The following UCHL3 variants were observed in gnomAD, a reference collection of about 807,000 sequenced individuals.
UCHL3 encodes ubiquitin C-terminal hydrolase L3.
A neutral mutation model predicts 35.8 loss-of-function variants in UCHL3; 22 were observed. The ratio of observed to expected loss-of-function variants is 0.61; its 90% CI spans 0.44 to 0.88. The LOEUF is 0.88. Among genes scored for constraint, UCHL3 ranks in the 40% least tolerant of loss-of-function variants. UCHL3 has a pLI of 0.00. For synonymous variants in UCHL3, 90 were observed against 92.8 expected, an observed-to-expected ratio of 0.97 and a Z score of 0.17; for missense variants, 229 against 276.9, an observed-to-expected ratio of 0.83 and a Z score of 1.23.
chr13:75,569,538 C>G (rs374605781), intron 6 of UCHL3, 31 bp downstream of exon 6: 15 of 1,585,226 alleles, frequency 9.5e-6, no homozygotes, highest in African/African-American at 2.7e-5. Flanking sequence ...ATTTTTCTTG[C>G]TATAAATTTA....
rs754453843 is a variant in UCHL3 at position 75,566,785 on chromosome 13, A to G, written c.274A>G (p.Ser92Gly). The change falls in exon 4 of 9, where the codon AGC becomes GGC. Residue 92 changes from serine (S) to glycine (G), a missense_variant. Transcript: ENST00000377595. ...AGTATATTTCATGAAGCAAACAATCAGCAATGCCTGTGGAACAATTGGACT... is the reference window on the plus strand; with the variant it reads ...AGTATATTTCATGAAGCAAACAATCGGCAATGCCTGTGGAACAATTGGACT... Reference protein sequence around the residue: ...SSVYFMKQTISNACGTIGLIH... With the variant: ...SSVYFMKQTIGNACGTIGLIH... The G allele has an allele frequency of 5.6e-6, 9 of 1,611,686 alleles. No homozygotes were observed. The highest frequency in any genetic ancestry group is 2.5e-6 in the Non-Finnish European group (3 of 1,179,290).
chr13:75,579,023 G>A (rs1050105801), intron 6 of UCHL3, among the ~76,000 whole-genome samples: 5 of 152,060 alleles, frequency 3.3e-5, no homozygotes, highest in Non-Finnish European at 5.9e-5. Context: ...ATTTTACTCT[G>A]AAGTATAGTT....
At chr13:75,553,210 TG>T (rs2031175180) in intron 2 of UCHL3, among the ~76,000 whole-genome samples, 1 of 152,222 alleles carries the variant, frequency 6.6e-6, no homozygotes, top group African/African-American at 2.4e-5. Context: ...CTCCTTGAGC[TG>T]CTGCCTTACC....
intron 2 of UCHL3, among the ~76,000 whole-genome samples, chr13:75,551,527 A>G (rs1297229385): frequency 6.6e-6 from 1 of 152,158 alleles, no homozygotes; most frequent in Non-Finnish European, 1.5e-5. Context: ...GCAAATCAGT[A>G]TCCCTTATGA....
At chr13:75,593,396 C>G (rs560353136) in intron 6 of UCHL3, among the ~76,000 whole-genome samples, 1 of 152,206 alleles carries the variant, frequency 6.6e-6, no homozygotes, top group African/African-American at 2.4e-5. Context: ...TTATCACTGT[C>G]TTCACATATT....
At chr13:75,560,502 C>T (rs1342135587) in intron 2 of UCHL3, among the ~76,000 whole-genome samples, 1 of 152,160 alleles carries the variant, frequency 6.6e-6, no homozygotes, top group African/African-American at 2.4e-5. Context: ...CATTCTGCCC[C>T]CCTAGTTTTA....
chr13:75,589,541 A>G (rs1232996001), intron 6 of UCHL3, among the ~76,000 whole-genome samples: 6 of 152,182 alleles, frequency 3.9e-5, no homozygotes, highest in Non-Finnish European at 5.9e-5. Flanking sequence ...ACCAATGCCT[A>G]TCACCACACA....
At chr13:75,558,707 G>T (rs4885311) in intron 2 of UCHL3, among the ~76,000 whole-genome samples, 16,752 of 152,160 alleles carry the variant, frequency 0.11, 1,179 homozygotes, top group Non-Finnish European at 0.16. Flanking sequence ...AGATGGCTAG[G>T]TTATCTACTA....
At chr13:75,585,477 G>C (rs1467847201) in intron 6 of UCHL3, among the ~76,000 whole-genome samples, 2 of 152,008 alleles carry the variant, frequency 1.3e-5, no homozygotes, top group Non-Finnish European at 2.9e-5. Context: ...AAAACTGAGA[G>C]AGCTCATACC....
chr13:75,588,800 C>T (rs1051363661), intron 6 of UCHL3, among the ~76,000 whole-genome samples: 3 of 152,094 alleles, frequency 2.0e-5, no homozygotes, highest in African/African-American at 4.8e-5. Flanking sequence ...TTTATATTAC[C>T]ATTCTTTTTA....
intron 5 of UCHL3, among the ~76,000 whole-genome samples, chr13:75,567,604 G>A (rs1367480716): frequency 6.6e-6 from 1 of 151,636 alleles, no homozygotes; most frequent in Non-Finnish European, 1.5e-5. Flanking sequence ...CTGGAGTGCA[G>A]TGATGCCATC....
At chr13:75,549,766 G>A, upstream of UCHL3, 1 of 1,032,862 alleles carries the variant, frequency 9.7e-7, no homozygotes, top group Non-Finnish European at 1.2e-6. Flanking sequence ...GGGCGGAAGC[G>A]GCGGCGGCGG....
rs1450258290 is a variant in UCHL3 at position 75,553,308 on chromosome 13, T to C, written c.54+3321T>C. 2.6e-5 allele frequency among the ~76,000 whole-genome samples: 4 copies of C among 152,232 alleles called. No individual in the cohort carries two copies. The East Asian group carries it at 7.7e-4, about 29-fold the overall frequency. On this transcript the variant is annotated intron_variant, in intron 2 of 8. Coordinates refer to ENST00000377595, the MANE Select transcript of UCHL3 (RefSeq NM_006002.5). Reference sequence around the variant, plus strand: ...CATCTCACATTCTTTTCCTTATTCATTCCTGTGTAGCTTGCTTCTGTGTGT... The same window carrying C: ...CATCTCACATTCTTTTCCTTATTCACTCCTGTGTAGCTTGCTTCTGTGTGT...
At chr13:75,573,532 G>A (rs1374173690) in intron 6 of UCHL3, among the ~76,000 whole-genome samples, 1 of 152,162 alleles carries the variant, frequency 6.6e-6, no homozygotes, top group Non-Finnish European at 1.5e-5. Context: ...GGCTTCTACT[G>A]AGATGTCCCT....
chr13:75,555,507 C>T (rs536745761), intron 2 of UCHL3, among the ~76,000 whole-genome samples: 1 of 152,260 alleles, frequency 6.6e-6, no homozygotes, highest in South Asian at 2.1e-4. Context: ...TCTTATAAAG[C>T]TGCTTTCCTG....
chr13:75,578,337 G>C (rs916314925), intron 6 of UCHL3, among the ~76,000 whole-genome samples: 1 of 152,032 alleles, frequency 6.6e-6, no homozygotes, highest in East Asian at 1.9e-4. Context: ...TGTTATCTAA[G>C]TATTCTTTTG....
chr13:75,596,488 A>G (rs1363123678), intron 7 of UCHL3, among the ~76,000 whole-genome samples: 1 of 152,194 alleles, frequency 6.6e-6, no homozygotes, highest in Non-Finnish European at 1.5e-5. Flanking sequence ...ATAGTAAATA[A>G]TAACTAGTGG....
chr13:75,590,177 C>CTTTTTTTT (rs35178906), intron 6 of UCHL3: 6 of 1,132,254 alleles, frequency 5.3e-6, no homozygotes, highest in Admixed American at 3.9e-5. Context: ...CAAGGGCTGT[C>CTTTTTTTT]TTTTTTTTTT....
At chr13:75,575,044 T>G (rs9318357) in intron 6 of UCHL3, among the ~76,000 whole-genome samples, 1 of 152,024 alleles carries the variant, frequency 6.6e-6, no homozygotes, top group Non-Finnish European at 1.5e-5. Flanking sequence ...AACAAGTAGC[T>G]TCATCACTGG....
Sources: gnomAD v4.1 joint callset for allele counts (sites outside exome capture counted in the v4.1 genomes callset) on GRCh38, gnomAD v4.1.1 for gene constraint, MANE v1.5 for transcripts, NCBI Gene and HGNC (gene_info 2026-07-23, HGNC 2026-07-21) for gene names.